BROX: variants seen among roughly 807,000 people sequenced by gnomAD.
The protein encoded by BROX is BRO1 domain-containing protein BROX.
Under a neutral mutation model 61.0 loss-of-function variants are expected in BROX, and 53 were observed. That is an observed-to-expected ratio of 0.87 (90% confidence interval 0.70 to 1.09). The LOEUF is 1.09. BROX is among the 50% of genes least tolerant of loss of function. The pLI, the probability that BROX is intolerant of heterozygous loss-of-function variation, is 0.00. For missense variants in BROX, 489 were observed against 472.0 expected, an observed-to-expected ratio of 1.04 and a Z score of -0.33; for synonymous variants, 152 against 160.2, an observed-to-expected ratio of 0.95 and a Z score of 0.38.
intron 1 of BROX, among the ~76,000 whole-genome samples, chr1:222,714,769 C>A (rs1314942458): frequency 2.6e-5 from 4 of 151,406 alleles, no homozygotes; most frequent in Admixed American, 2.6e-4. Flanking sequence ...TTGTAGAGAC[C>A]GGGTCTCACC....
intron 4 of BROX, among the ~76,000 whole-genome samples, chr1:222,720,264 C>A (rs1656970808): frequency 6.6e-6 from 1 of 152,072 alleles, no homozygotes; most frequent in Non-Finnish European, 1.5e-5. Flanking sequence ...ATTAAATGTT[C>A]ATTTCCTTTC....
In BROX at chr1:222,728,817, T is replaced by C. The variant is rs1044975410; in HGVS notation, c.745T>C (p.Tyr249His). The C allele has an allele frequency of 6.3e-7, 1 of 1,595,112 alleles. No homozygotes were observed. Among genetic ancestry groups the C allele is most frequent in the Admixed American group, 1.7e-5 (1 of 59,866 alleles). Residue 249 changes from tyrosine to histidine, a missense_variant, in exon 9 of 13, where the codon TAC becomes CAC. Physicochemically the swap from Tyr to His is moderately conservative, Grantham distance 83 (BLOSUM62 2). Transcript: ENST00000340934. ...RKYLHLKMCFYTAYAYCYHGE... is the reference protein window; with the variant it reads ...RKYLHLKMCFHTAYAYCYHGE... ...ATATCTTCACTTGAAGATGTGTTTC[T>C]ACACAGCTTATGTAAGTATTCACAA...
intron 4 of BROX, among the ~76,000 whole-genome samples, chr1:222,719,825 T>C (rs1656931111): frequency 1.3e-5 from 2 of 152,232 alleles, no homozygotes; most frequent in Admixed American, 6.5e-5. Context: ...CTTCCCTATT[T>C]CTACTCTTTT....
At chr1:222,722,355 G>T in intron 4 of BROX, 64 bp from the exon 5 acceptor site, 1 of 1,351,314 alleles carries the variant, frequency 7.4e-7, no homozygotes, top group Non-Finnish European at 1.1e-6. Context: ...CGGATATCCA[G>T]TAGGCTTCAT....
chr1:222,719,653 C>A (rs558405862), intron 4 of BROX, among the ~76,000 whole-genome samples: 1 of 152,322 alleles, frequency 6.6e-6, no homozygotes, highest in South Asian at 2.1e-4. Context: ...AGAACCCAAA[C>A]TGACATTCCG....
Position 222,731,527 on chromosome 1 carries a change from GT to G in BROX, c.1149+22del, listed in dbSNP as rs200721598. 7.4e-3 allele frequency: 8,601 copies of G among 1,166,412 alleles called. 18 individuals are homozygous for G. Among genetic ancestry groups the G allele is most frequent in the African/African-American group, 0.033 (2,021 of 61,564 alleles). 72.3% of individuals were successfully genotyped at this position (1,166,412 alleles called of 1,614,324 possible). ...CCCAAGGATGACAGTGTATGAGATT[GT>G]TTTTTTTTTTCCCTCTCATTCACAA... On this transcript the variant is annotated intron_variant, in intron 12 of 12. Transcript: ENST00000340934.
Position 222,732,885 on chromosome 1 carries a change from C to T in BROX, c.*171C>T. 1.7e-6 allele frequency: 1 copy of T among 586,688 alleles called. No homozygotes were observed. The highest frequency in any genetic ancestry group is 3.3e-5 in the Admixed American group (1 of 29,854). The allele number at this position is 586,688 out of a possible 1,614,324, so 36.3% of individuals were successfully genotyped here. On this transcript the variant is annotated 3_prime_UTR_variant, in exon 13 of 13. Coordinates refer to ENST00000340934, the MANE Select transcript of BROX (RefSeq NM_144695.4). ...AATTTTTAATACAGCGGAGATGTTT[C>T]TTGCTTTGTTTTCAGACTCTCCTTT...
rs866142603 is a variant in BROX at position 222,720,639 on chromosome 1, C to T, written c.305+1280C>T. Among the ~76,000 whole-genome samples the T allele has an allele frequency of 1.8e-4, 28 of 152,100 alleles. No homozygotes were observed. The Middle Eastern group carries it at 0.014, about 74-fold the overall frequency. On this transcript the variant is annotated intron_variant, in intron 4 of 12. Transcript: ENST00000340934. ...CCAGCCTGGCCAACGTGGTAAAACACTGTCTCTACTAAAAAATACAAAAAT... is the reference window on the plus strand; with the variant it reads ...CCAGCCTGGCCAACGTGGTAAAACATTGTCTCTACTAAAAAATACAAAAAT...
Position 222,712,619 on chromosome 1 carries a change from G to T in BROX, c.-340G>T. 2 of 1,337,374 alleles carry T rather than the reference G, an allele frequency of 1.5e-6. No individual in the cohort carries two copies. Among genetic ancestry groups the T allele is most frequent in the South Asian group, 2.7e-5 (2 of 73,890 alleles). 82.8% of individuals were successfully genotyped at this position (1,337,374 alleles called of 1,614,324 possible). On this transcript the variant is annotated 5_prime_UTR_variant, in exon 1 of 13. The change creates a new upstream start codon in the 5' untranslated region. Transcript: ENST00000340934. ...GCATTCTCCCTCGGCTCCGGAGGTA[G>T]GGGCAACTCTTCTCTTCCTGTCTGG...
chr1:222,712,723 C>T lies in BROX; in HGVS notation c.-236C>T. The T allele has an allele frequency of 1.5e-6, 2 of 1,290,952 alleles. No homozygotes were observed. Among genetic ancestry groups the T allele is most frequent in the Non-Finnish European group, 2.0e-6 (2 of 989,982 alleles). The allele number at this position is 1,290,952 out of a possible 1,614,324, so 80.0% of individuals were successfully genotyped here. ...TGAACGAAGCGTTTTGAGGGGACTG[C>T]AACGCCGCGGCAATACCCGCCCCTG... On this transcript the variant is annotated 5_prime_UTR_variant, in exon 1 of 13. Coordinates refer to ENST00000340934, the MANE Select transcript of BROX (RefSeq NM_144695.4).
intron 3 of BROX, 91 bp from the exon 4 acceptor site, chr1:222,719,172 C>G (rs1656870829): frequency 1.6e-6 from 2 of 1,267,478 alleles, no homozygotes; most frequent in Non-Finnish European, 1.1e-6. Flanking sequence ...ATTCAGACAC[C>G]TGGAAAAGTA....
Position 222,727,204 on chromosome 1 carries a change from C to T in BROX, c.617C>T (p.Pro206Leu). ...IARAIELKHA[P>L]GLIAALAYET... is the part of the protein sequence containing the mutation. ...CGAGCAATTGAACTAAAACATGCTC[C>T]TGGACTAATTGCTGCACTGGCGTAT... Residue 206 changes from proline (P) to leucine (L), a missense_variant, in exon 8 of 13, where the codon CCT becomes CTT. Physicochemically the swap from Pro to Leu is moderately conservative, Grantham distance 98. Transcript: ENST00000340934. The T allele has an allele frequency of 6.2e-7, 1 of 1,613,714 alleles. No individual in the cohort carries two copies. Among genetic ancestry groups the T allele is most frequent in the Non-Finnish European group, 8.5e-7 (1 of 1,179,802 alleles).
rs1658151437 is a variant in BROX, at chr1:222,734,348, G to C, written c.*1634G>C. ...AAGAAATAAGTAAAATCTGCATAAAGTGTTGAAATAGGAATATACATTTCA... is the reference window on the plus strand; with the variant it reads ...AAGAAATAAGTAAAATCTGCATAAACTGTTGAAATAGGAATATACATTTCA... On this transcript the variant is annotated 3_prime_UTR_variant, in exon 13 of 13. Coordinates refer to ENST00000340934, the MANE Select transcript of BROX (RefSeq NM_144695.4). 6.6e-6 allele frequency: 1 copy of C among 152,134 alleles called. No individual in the cohort carries two copies. The allele number at this position is 152,134 out of a possible 1,614,324, so 9.4% of individuals were successfully genotyped here.
At chr1:222,719,143 GA>G (rs1656869502) in intron 3 of BROX, 112 bp downstream of exon 3, 1 of 1,279,232 alleles carries the variant, frequency 7.8e-7, no homozygotes, top group East Asian at 2.3e-5. Context: ...GTATTCTTTG[GA>G]AAAGAGCAAG....
intron 9 of BROX, 60 bp downstream of exon 9, chr1:222,728,888 C>A (rs901997620): frequency 1.6e-6 from 2 of 1,240,644 alleles, no homozygotes; most frequent in Non-Finnish European, 2.3e-6. Context: ...CTTGGAGTGC[C>A]AGGTCTCTCA....
chr1:222,716,855 T>G (rs1656663548), intron 2 of BROX, among the ~76,000 whole-genome samples: 3 of 152,234 alleles, frequency 2.0e-5, no homozygotes, highest in Admixed American at 2.0e-4. Flanking sequence ...TAGAGCAGTT[T>G]GGCTGAAACA....
intron 4 of BROX, 120 bp from the exon 5 acceptor site, chr1:222,722,299 T>C: frequency 3.9e-6 from 3 of 773,354 alleles, no homozygotes; most frequent in Non-Finnish European, 6.5e-6. Flanking sequence ...CACAACCATT[T>C]TCCTCATACA....
In BROX at chr1:222,733,063, C is replaced by CTTTTTTTTTTTTTT. The variant is rs796814438; in HGVS notation, c.*361_*362insTTTTTTTTTTTTTT. 9 of 104,872 alleles carry CTTTTTTTTTTTTTT rather than the reference C, an allele frequency of 8.6e-5. No individual in the cohort carries two copies. Among genetic ancestry groups the CTTTTTTTTTTTTTT allele is most frequent in the Non-Finnish European group, 1.6e-4 (8 of 50,778 alleles). The allele number at this position is 104,872 out of a possible 1,614,324, so 6.5% of individuals were successfully genotyped here. ...AGGTATGTTTTTCTTTTTTCTTTTT[C>CTTTTTTTTTTTTTT]TTTTTTTTTTTTCTTTTTTTTTTTT... On this transcript the variant is annotated 3_prime_UTR_variant, in exon 13 of 13. Coordinates refer to ENST00000340934, the MANE Select transcript of BROX (RefSeq NM_144695.4).
chr1:222,730,619 C>T (rs916959044), intron 11 of BROX, among the ~76,000 whole-genome samples: 10 of 152,132 alleles, frequency 6.6e-5, no homozygotes, highest in South Asian at 4.1e-4. Context: ...TTATGTTTCA[C>T]GTTAATTTTC....
Sources: gnomAD v4.1 joint callset for allele counts (sites outside exome capture counted in the v4.1 genomes callset) on GRCh38, gnomAD v4.1.1 for gene constraint, MANE v1.5 for transcripts, NCBI Gene and HGNC (gene_info 2026-07-23, HGNC 2026-07-21) for gene names.